Variants in NCOA3 observed in about 807,000 individuals in gnomAD.
The protein encoded by NCOA3 is nuclear receptor coactivator 3, also known as CBP-interacting protein.
A neutral mutation model predicts 158.8 loss-of-function variants in NCOA3; 51 were observed. The observed-to-expected ratio is 0.32, with a 90% CI of 0.26 to 0.41. NCOA3 has a LOEUF of 0.41. Ranked by LOEUF, NCOA3 falls within the 10% of genes least tolerant of loss-of-function variation. The probability of loss-of-function intolerance (pLI) is 1.00; values close to 1 mark genes in which losing one functional copy is unlikely to be tolerated. For synonymous variants in NCOA3, 537 were observed against 592.4 expected (o/e 0.91, Z 1.36); for missense variants, 1,510 against 1,746.6 (o/e 0.86, Z 2.41).
At chr20:47,643,626 G>A (rs1395488661) in intron 17 of NCOA3, among the ~76,000 whole-genome samples, 2 of 152,046 alleles carry the variant, frequency 1.3e-5, no homozygotes, top group East Asian at 3.9e-4. Context: ...TGGACTCCTA[G>A]TATCCTGAAT....
rs1350715495 is a variant in NCOA3 at position 47,635,869 on chromosome 20, CT to C, written c.1505-21del. ...AGTGTCTGGTAGTCTAATTCTTTTC[CT>C]AAATTTTTTTTCAAATTCAGGTGTG... On this transcript the variant is annotated intron_variant, in intron 11 of 22. Transcript: ENST00000371998. The C allele has an allele frequency of 1.9e-6, 3 of 1,570,070 alleles. No homozygotes were observed. In the African/African-American group the frequency reaches 4.1e-5, roughly 22 times the overall value.
Position 47,654,407 on chromosome 20 carries a change from G to T in NCOA3, c.*990G>T, listed in dbSNP as rs1218994612. ...TTGTAAATATGACCTTTAAGATATT[G>T]TATTATGTAAAATATGTATATACCT... On this transcript the variant is annotated 3_prime_UTR_variant, in exon 23 of 23. Coordinates refer to ENST00000371998, the MANE Select transcript of NCOA3 (RefSeq NM_181659.3). 6.6e-6 allele frequency: 1 copy of T among 152,562 alleles called. No individual in the cohort carries two copies. Among genetic ancestry groups the T allele is most frequent in the Non-Finnish European group, 1.5e-5 (1 of 68,036 alleles). 9.5% of individuals were successfully genotyped at this position (152,562 alleles called of 1,614,324 possible).
chr20:47,504,368 G>A (rs952497479), intron 1 of NCOA3, among the ~76,000 whole-genome samples: 1 of 151,356 alleles, frequency 6.6e-6, no homozygotes, highest in Non-Finnish European at 1.5e-5. Flanking sequence ...TAGGCGATAT[G>A]CAAATAAAAA....
At chr20:47,539,809 G>C (rs574674776) in intron 1 of NCOA3, among the ~76,000 whole-genome samples, 2 of 152,290 alleles carry the variant, frequency 1.3e-5, no homozygotes, top group Admixed American at 1.3e-4. Context: ...ACAGGTGTGA[G>C]CCACCGCACC....
intron 1 of NCOA3, among the ~76,000 whole-genome samples, chr20:47,560,447 A>C (rs541330583): frequency 6.6e-6 from 1 of 152,238 alleles, no homozygotes; most frequent in African/African-American, 2.4e-5. Context: ...TGGTTAAGTT[A>C]GGTTTTAGCT....
chr20:47,585,215 C>G (rs1432000470), intron 2 of NCOA3, among the ~76,000 whole-genome samples: 1 of 151,986 alleles, frequency 6.6e-6, no homozygotes, highest in African/African-American at 2.4e-5. Context: ...CCACATCCGG[C>G]TAAGTTTTGT....
intron 1 of NCOA3, among the ~76,000 whole-genome samples, chr20:47,535,105 T>C (rs1215673522): frequency 1.3e-5 from 2 of 151,950 alleles, no homozygotes; most frequent in Non-Finnish European, 2.9e-5. Context: ...CAGACTTGAG[T>C]GCAGTAGTGC....
intron 2 of NCOA3, among the ~76,000 whole-genome samples, chr20:47,617,946 C>T (rs1394587449): frequency 6.6e-6 from 1 of 152,022 alleles, no homozygotes; most frequent in Non-Finnish European, 1.5e-5. Context: ...CTAAAAAACC[C>T]AAGATAGAGA....
chr20:47,653,555 T>A lies in NCOA3; in HGVS notation c.*138T>A. Reference sequence around the variant, plus strand: ...TGAGCTCCATCAAGGGTATTTTAAGTGATGTCATTTGAGCAGGACTGGATT... The same window carrying A: ...TGAGCTCCATCAAGGGTATTTTAAGAGATGTCATTTGAGCAGGACTGGATT... On this transcript the variant is annotated 3_prime_UTR_variant, in exon 23 of 23. Transcript: ENST00000371998. The A allele has an allele frequency of 2.0e-6, 2 of 1,018,322 alleles. No homozygotes were observed. The highest frequency in any genetic ancestry group is 3.0e-6 in the Non-Finnish European group (2 of 672,340). The allele number at this position is 1,018,322 out of a possible 1,614,324, so 63.1% of individuals were successfully genotyped here.
At chr20:47,600,736 G>A (rs1255035793) in intron 2 of NCOA3, among the ~76,000 whole-genome samples, 8 of 146,958 alleles carry the variant, frequency 5.4e-5, no homozygotes, top group Non-Finnish European at 5.9e-5. Context: ...GTCTGGTTTC[G>A]AACTCCTGGG....
intron 2 of NCOA3, among the ~76,000 whole-genome samples, chr20:47,594,788 ATTTTTTTTT>A (rs768342979): frequency 0.011 from 1,107 of 102,442 alleles, 25 homozygotes; most frequent in African/African-American, 0.039. Flanking sequence ...AGAATACCTG[ATTTTTTTTT>A]TTTTTTTTTT....
At chr20:47,537,306 C>G (rs910153629) in intron 1 of NCOA3, among the ~76,000 whole-genome samples, 51 of 151,828 alleles carry the variant, frequency 3.4e-4, no homozygotes, top group African/African-American at 1.2e-3. Context: ...TTGTAAAGAA[C>G]TTATCAGAGA....
intron 1 of NCOA3, among the ~76,000 whole-genome samples, chr20:47,555,278 A>G (rs934817601): frequency 4.6e-5 from 7 of 152,212 alleles, no homozygotes; most frequent in Non-Finnish European, 7.3e-5. Flanking sequence ...ATTTGGAAAA[A>G]GGTGTTAATA....
chr20:47,618,428 T>A (rs551879039), intron 2 of NCOA3, among the ~76,000 whole-genome samples: 3 of 148,912 alleles, frequency 2.0e-5, no homozygotes, highest in Non-Finnish European at 4.5e-5. Flanking sequence ...AATCTTGGCT[T>A]ACTGCAACCT....
At chr20:47,573,258 T>C (rs980917631) in intron 1 of NCOA3, among the ~76,000 whole-genome samples, 1 of 152,124 alleles carries the variant, frequency 6.6e-6, no homozygotes, top group African/African-American at 2.4e-5. Flanking sequence ...CCAGGTCTGC[T>C]GGCAGGCGCC....
chr20:47,527,112 A>G (rs1403902271), intron 1 of NCOA3, among the ~76,000 whole-genome samples: 3 of 152,214 alleles, frequency 2.0e-5, no homozygotes, highest in Non-Finnish European at 2.9e-5. Flanking sequence ...TTAGGATTGT[A>G]TATATAGGTG....
At chr20:47,534,234 G>T (rs2084597415) in intron 1 of NCOA3, among the ~76,000 whole-genome samples, 1 of 147,852 alleles carries the variant, frequency 6.8e-6, no homozygotes, top group Non-Finnish European at 1.5e-5. Flanking sequence ...CTTTTATTGT[G>T]TCCTTCCTGT....
rs1420220772 is a variant in NCOA3, at chr20:47,651,172, G to C, written c.3842G>C (p.Ser1281Thr). 6.2e-7 allele frequency: 1 copy of C among 1,613,922 alleles called. No individual in the cohort carries two copies. Among genetic ancestry groups the C allele is most frequent in the Non-Finnish European group, 8.5e-7 (1 of 1,179,986 alleles). ...QQQQQQTQAFSPPPNVTASPS... is the reference protein window; with the variant it reads ...QQQQQQTQAFTPPPNVTASPS... ...CAACAGCAGCAAACCCAGGCCTTCA[G>C]CCCACCTCCTAATGTGACTGCTTCC... The change falls in exon 20 of 23, where the codon AGC (serine) becomes ACC (threonine). Residue 1281 changes from serine (S) to threonine (T), a missense_variant. Ser to Thr is a moderately conservative substitution (Grantham distance 58, BLOSUM62 1). Transcript: ENST00000371998.
chr20:47,505,966 G>A (rs563706991), intron 1 of NCOA3, among the ~76,000 whole-genome samples: 100 of 151,864 alleles, frequency 6.6e-4, no homozygotes, highest in Non-Finnish European at 1.3e-3. Flanking sequence ...CACCATGCCC[G>A]GCTAATTTTT....
Sources: allele counts gnomAD v4.1 joint callset (sites outside exome capture counted in the v4.1 genomes callset), GRCh38; gene constraint gnomAD v4.1.1; transcripts MANE v1.5; gene names NCBI Gene and HGNC (gene_info 2026-07-23, HGNC 2026-07-21).